Variants in HSD17B14 observed in about 807,000 individuals in gnomAD.
The protein encoded by HSD17B14 is L-fucose dehydrogenase.
A neutral mutation model predicts 32.2 loss-of-function variants in HSD17B14; 32 were observed. That is an observed-to-expected ratio of 0.99 (90% CI 0.75 to 1.33). HSD17B14 has a LOEUF of 1.33. Ranked by LOEUF, HSD17B14 falls within the 40% of genes most tolerant of loss-of-function variation. The pLI is 0.00. For synonymous variants in HSD17B14, 140 were observed against 155.4 expected (o/e 0.90, Z 0.74); for missense variants, 370 against 366.5 (o/e 1.01, Z -0.08).
chr19:48,835,934 C>T, intron 1 of HSD17B14, 91 bp from the exon 2 acceptor site: 1 of 1,179,796 alleles, frequency 8.5e-7, no homozygotes, highest in Admixed American at 1.8e-5. Context: ...GCTGATCTCC[C>T]TCTCCCCTCG....
Position 48,826,542 on chromosome 19 carries a change from T to TATATATATAC in HSD17B14, c.369+5125_369+5126insGTATATATAT. Among the ~76,000 whole-genome samples, 393 of 80,086 alleles carry TATATATATAC rather than the reference T, an allele frequency of 4.9e-3. 10 individuals carry two copies. The highest frequency in any genetic ancestry group is 6.5e-3 in the Non-Finnish European group (286 of 44,012). The allele number at this position is 80,086 out of a possible 152,430, so 52.5% of individuals were successfully genotyped here. ...GAAAAGAAGAAAATATATATATATA[T>TATATATATAC]ACACACACACACACACACACACACA... On this transcript the variant is annotated intron_variant, in intron 5 of 8. Coordinates refer to ENST00000263278, the MANE Select transcript of HSD17B14 (RefSeq NM_016246.3).
In HSD17B14 at chr19:48,831,716, G is replaced by A; in HGVS notation, c.321C>T (p.Phe107=). ...QRPEETSAQG[F]RQLLELNLLG... The stretch of plus-strand genomic sequence containing the variant: ...GTAGGTTCAGCTCCAGCAGCTGGCG[G>A]AATCCCTGGGCAGAGGTCTCCTCAG... The change falls in exon 5 of 9, where the codon TTC becomes TTT. Residue 107 remains phenylalanine (F), a synonymous_variant. Coordinates refer to ENST00000263278, the MANE Select transcript of HSD17B14 (RefSeq NM_016246.3). 2 of 1,613,808 alleles carry A rather than the reference G, an allele frequency of 1.2e-6. No individual in the cohort carries two copies. The highest frequency in any genetic ancestry group is 1.7e-6 in the Non-Finnish European group (2 of 1,179,872).
At chr19:48,814,839 T>TAAAAA (rs375605467) in intron 6 of HSD17B14, among the ~76,000 whole-genome samples, 198 bp downstream of exon 6, 1 of 99,344 alleles carries the variant, frequency 1.0e-5, no homozygotes, top group Non-Finnish European at 2.2e-5. Context: ...ACTCCATCTT[T>TAAAAA]AAAAAAAAAA....
In HSD17B14 at chr19:48,813,520, C is replaced by T. The variant is rs771957091; in HGVS notation, c.575G>A (p.Trp192Ter). ...ISPGNIWTPL[W>*]EELAALMPDP... ...TGGCATTAAGGCTGCCAGCTCCTCCCACAGCGGGGTCCAGATGTTTCCTGG... is the reference window on the plus strand; with the variant it reads ...TGGCATTAAGGCTGCCAGCTCCTCCTACAGCGGGGTCCAGATGTTTCCTGG... Residue 192 changes from tryptophan (W) to a stop codon, truncating the protein, a stop_gained, in exon 8 of 9, where the codon TGG becomes TAG. Coordinates refer to ENST00000263278, the MANE Select transcript of HSD17B14 (RefSeq NM_016246.3). LOFTEE classifies it high-confidence loss of function. The T allele has an allele frequency of 2.5e-6, 4 of 1,614,120 alleles. No homozygotes were observed. Among genetic ancestry groups the T allele is most frequent in the Admixed American group, 1.7e-5 (1 of 60,000 alleles).
intron 5 of HSD17B14, among the ~76,000 whole-genome samples, 183 bp from the exon 6 acceptor site, chr19:48,815,324 G>T (rs541915715): frequency 1.3e-5 from 2 of 152,082 alleles, no homozygotes; most frequent in Non-Finnish European, 2.9e-5. Flanking sequence ...CCCTGGGGTC[G>T]CTGGGTCTCA....
At chr19:48,831,812 G>A (rs938938206) in intron 4 of HSD17B14, 53 bp from the exon 5 acceptor site, 27 of 1,037,542 alleles carry the variant, frequency 2.6e-5, no homozygotes, top group Non-Finnish European at 4.1e-5. Context: ...GGACACAGTT[G>A]CCCACGCCTG....
rs113246661 is a variant in HSD17B14, at chr19:48,836,366, C to A, written c.46G>T (p.Gly16Trp). The change falls in exon 1 of 9, where the codon GGG becomes TGG. Residue 16 changes from glycine (G) to tryptophan (W), a missense_variant. By Grantham distance (184) the Gly-to-Trp change is radical (BLOSUM62 -2). Transcript: ENST00000263278. ...RYAGKVVVVT[G>W]GGRGIGAGIV... ...CCAGCTCCGATGCCGCGCCCGCCCC[C>A]GGTCACGACCACCACCTTCCCGGCA... The A allele has an allele frequency of 6.2e-3, 10,007 of 1,613,948 alleles. 56 individuals are homozygous for A. Among genetic ancestry groups the A allele is most frequent in the Non-Finnish European group, 7.8e-3 (9,224 of 1,179,982 alleles).
chr19:48,813,152 G>T lies in HSD17B14; in HGVS notation c.*23C>A, dbSNP rs948149470. On this transcript the variant is annotated 3_prime_UTR_variant, in exon 9 of 9. Transcript: ENST00000263278. ...GGGGTGGGAGAGTCCTAGGAAGGGGGCCCCAAGTAGAAATGAGAGAAATCA... is the reference window on the plus strand; with the variant it reads ...GGGGTGGGAGAGTCCTAGGAAGGGGTCCCCAAGTAGAAATGAGAGAAATCA... 4 of 1,553,260 alleles carry T rather than the reference G, an allele frequency of 2.6e-6. No individual in the cohort carries two copies. Among genetic ancestry groups the T allele is most frequent in the Middle Eastern group, 2.4e-4 (1 of 4,190 alleles).
chr19:48,827,638 A>G (rs1015290982), intron 5 of HSD17B14, among the ~76,000 whole-genome samples: 1 of 144,382 alleles, frequency 6.9e-6, no homozygotes, highest in Admixed American at 7.0e-5. Context: ...CCCAGGTTCC[A>G]GCAATTCTCC....
At position 48,813,537 on chromosome 19, in the gene HSD17B14, G is replaced by A; in HGVS notation, c.558C>T (p.Asn186=). The A allele has an allele frequency of 6.2e-7, 1 of 1,614,098 alleles. No homozygotes were observed. Among genetic ancestry groups the A allele is most frequent in the Non-Finnish European group, 8.5e-7 (1 of 1,180,000 alleles). The part of the protein sequence containing the change: ...GVRVNCISPG[N]IWTPLWEELA... ...GCTCCTCCCACAGCGGGGTCCAGATGTTTCCTGGGGAGATACTAGAGGAAG... is the reference window on the plus strand; with the variant it reads ...GCTCCTCCCACAGCGGGGTCCAGATATTTCCTGGGGAGATACTAGAGGAAG... The change falls in exon 8 of 9, where the codon AAC becomes AAT. Residue 186 remains asparagine (N), a synonymous_variant. Transcript: ENST00000263278.
intron 5 of HSD17B14, among the ~76,000 whole-genome samples, chr19:48,816,319 C>T (rs2035050984): frequency 6.6e-6 from 1 of 152,128 alleles, no homozygotes; most frequent in African/African-American, 2.4e-5. Flanking sequence ...CCGGTTCCCC[C>T]CACCAACTCT....
At chr19:48,814,201 A>AG (rs2035012354) in intron 6 of HSD17B14, among the ~76,000 whole-genome samples, 4 of 106,922 alleles carry the variant, frequency 3.7e-5, no homozygotes, top group South Asian at 2.8e-4. Context: ...TCTAAAAAAA[A>AG]AAAGAAGAAA....
intron 3 of HSD17B14, 150 bp from the exon 4 acceptor site, chr19:48,832,882 T>C (rs933460526): frequency 5.6e-5 from 37 of 660,234 alleles, no homozygotes; most frequent in Non-Finnish European, 8.8e-5. Flanking sequence ...GCCTCCCAAG[T>C]AGCTGGGATT....
chr19:48,819,136 C>T (rs2035104867), intron 5 of HSD17B14, among the ~76,000 whole-genome samples: 1 of 152,142 alleles, frequency 6.6e-6, no homozygotes, highest in Non-Finnish European at 1.5e-5. Flanking sequence ...TTACGGGCGC[C>T]TACCACCACG....
chr19:48,823,547 A>G (rs1013448896), intron 5 of HSD17B14, among the ~76,000 whole-genome samples: 3 of 152,168 alleles, frequency 2.0e-5, no homozygotes, highest in Admixed American at 2.0e-4. Context: ...ATACAGACAC[A>G]TATATATGGT....
chr19:48,815,379 TCTC>T (rs989023444), intron 5 of HSD17B14, among the ~76,000 whole-genome samples: 23 of 152,118 alleles, frequency 1.5e-4, no homozygotes, highest in African/African-American at 5.6e-4. Context: ...TTCTCTCTCT[TCTC>T]CTCGGTCTCT....
At chr19:48,836,143 A>G (rs1457221341) in intron 1 of HSD17B14, among the ~76,000 whole-genome samples, 181 bp downstream of exon 1, 1 of 152,078 alleles carries the variant, frequency 6.6e-6, no homozygotes, top group African/African-American at 2.4e-5. Context: ...CTGCCTTCGG[A>G]GACCCTGCCA....
At chr19:48,825,704 T>C (rs62125925) in intron 5 of HSD17B14, among the ~76,000 whole-genome samples, 21,925 of 152,124 alleles carry the variant, frequency 0.14, 1,853 homozygotes, top group Non-Finnish European at 0.19. Flanking sequence ...GGAGCAGAAA[T>C]GTTGCGTAAC....
chr19:48,826,538 T>TAA (rs2035252321), intron 5 of HSD17B14, among the ~76,000 whole-genome samples: 1 of 93,950 alleles, frequency 1.1e-5, no homozygotes, highest in African/African-American at 5.6e-5. Context: ...AATATATATA[T>TAA]ATATACACAC....
Sources: gnomAD v4.1 joint callset for allele counts (sites outside exome capture counted in the v4.1 genomes callset) on GRCh38, gnomAD v4.1.1 for gene constraint, MANE v1.5 for transcripts, NCBI Gene and HGNC (gene_info 2026-07-23, HGNC 2026-07-21) for gene names.